The following ERICH1 variants were observed in gnomAD, a reference collection of about 807,000 sequenced individuals.
ERICH1 encodes glutamate rich 1.
A neutral mutation model predicts 39.6 loss-of-function variants in ERICH1; 56 were observed. The ratio of observed to expected loss-of-function variants is 1.41; its 90% CI spans 1.14 to 1.77. ERICH1 has a LOEUF of 1.77. Among genes scored for constraint, ERICH1 ranks in the 40% most tolerant of loss-of-function variants. The pLI, the probability that ERICH1 is intolerant of heterozygous loss-of-function variation, is 0.00. For missense variants in ERICH1, 826 were observed against 575.4 expected (o/e 1.44, Z -4.45); for synonymous variants, 313 against 223.6 (o/e 1.40, Z -3.57).
At chr8:626,149 A>G (rs540677790) in intron 3 of ERICH1, 1 of 152,306 alleles carries the variant, frequency 6.6e-6, no homozygotes, top group African/African-American at 2.4e-5. Context: ...AGGAAGCTGC[A>G]TATTTCGTGG....
At chr8:672,268 C>T (rs1465324332) in intron 4 of ERICH1, 2 of 152,252 alleles carry the variant, frequency 1.3e-5, no homozygotes, top group African/African-American at 4.8e-5. Context: ...GTCTACTTTG[C>T]AGTGTCTTAG....
At chr8:688,595 C>T (rs968167564) in intron 3 of ERICH1, among the ~76,000 whole-genome samples, 2 of 152,116 alleles carry the variant, frequency 1.3e-5, no homozygotes, top group Admixed American at 1.3e-4. Flanking sequence ...ACTTGGTAAA[C>T]CCTGATTACT....
intron 3 of ERICH1, among the ~76,000 whole-genome samples, chr8:628,089 G>A (rs545279663): frequency 6.6e-6 from 1 of 152,256 alleles, no homozygotes; most frequent in Non-Finnish European, 1.5e-5. Flanking sequence ...CCCTGCCCGA[G>A]ACCACAGAGG....
chr8:664,147 C>T (rs1483554051), downstream of ERICH1: 3 of 708,426 alleles, frequency 4.2e-6, no homozygotes, highest in African/African-American at 5.8e-5. Flanking sequence ...AAACAGGTAC[C>T]TGATATGATT....
intron 3 of ERICH1, among the ~76,000 whole-genome samples, chr8:630,881 GACCACCCAC>G (rs1797978899): frequency 7.9e-6 from 1 of 126,434 alleles, no homozygotes. Flanking sequence ...ACCCTCCTGT[GACCACCCAC>G]AGACAGAGCT....
In ERICH1 at chr8:673,759, T is replaced by G; in HGVS notation, c.593A>C (p.Glu198Ala). The G allele has an allele frequency of 1.2e-6, 2 of 1,614,002 alleles. No homozygotes were observed. The change falls in exon 4 of 6, where the codon GAA (glutamate) becomes GCA (alanine). Residue 198 changes from glutamate to alanine, a missense_variant. Coordinates refer to ENST00000262109, the MANE Select transcript of ERICH1 (RefSeq NM_207332.3). ...FMYQPEDSSN[E>A]GEGVGEACEE... ...ACAAGCCTCTCCCACGCCTTCCCCT[T>G]CATTGCTGCTGTCCTCGGGCTGGTA...
intron 2 of ERICH1, among the ~76,000 whole-genome samples, chr8:699,698 G>A (rs1373359569): frequency 6.8e-6 from 1 of 146,332 alleles, no homozygotes; most frequent in Non-Finnish European, 1.5e-5. Flanking sequence ...GACTCACACA[G>A]GCGCACAGAC....
intron 1 of ERICH1, among the ~76,000 whole-genome samples, chr8:718,681 C>G (rs371326234): frequency 1.3e-5 from 2 of 152,338 alleles, no homozygotes; most frequent in East Asian, 3.9e-4. Flanking sequence ...TTCTGTAACA[C>G]AGGCATTTCT....
At chr8:650,478 C>A (rs541370072) in intron 3 of ERICH1, among the ~76,000 whole-genome samples, 2 of 152,330 alleles carry the variant, frequency 1.3e-5, no homozygotes, top group African/African-American at 4.8e-5. Flanking sequence ...AGGGCACTGT[C>A]ACATCCTAAC....
intron 3 of ERICH1, chr8:616,728 A>C: frequency 2.6e-6 from 1 of 379,910 alleles, no homozygotes; most frequent in Non-Finnish European, 5.2e-6. Flanking sequence ...ACTCAGAGAG[A>C]TAGGGAAGCG....
rs142828358 is a variant in ERICH1, at chr8:658,304, C to T, written c.976+10294G>A. ...AGGCTGGTTCCCTGCAGGAAGAAGA[C>T]TGCCAGCCTGGCCTCCACTGGGCCT... On this transcript the variant is annotated intron_variant, in intron 3 of 3. Transcript: ENST00000522706. Among the ~76,000 whole-genome samples the T allele has an allele frequency of 3.4e-3, 512 of 152,266 alleles. 9 individuals are homozygous for T. Among genetic ancestry groups the T allele is most frequent in the Admixed American group, 0.026 (395 of 15,306 alleles).
chr8:718,500 T>A (rs1274812600), intron 1 of ERICH1, among the ~76,000 whole-genome samples: 1 of 152,212 alleles, frequency 6.6e-6, no homozygotes, highest in African/African-American at 2.4e-5. Flanking sequence ...AATGAAAATA[T>A]CTGATATAGG....
At chr8:632,036 T>G (rs528228386) in intron 3 of ERICH1, among the ~76,000 whole-genome samples, 3 of 152,322 alleles carry the variant, frequency 2.0e-5, no homozygotes, top group South Asian at 4.1e-4. Context: ...CGGAATAGAC[T>G]CGAGCTGCGT....
At chr8:686,859 T>C (rs1295418567) in intron 3 of ERICH1, 1 of 152,190 alleles carries the variant, frequency 6.6e-6, no homozygotes, top group Non-Finnish European at 1.5e-5. Context: ...AACTCTCATA[T>C]CAATAAATCA....
At chr8:729,475 C>G (rs1819519098) in intron 1 of ERICH1, among the ~76,000 whole-genome samples, 1 of 152,244 alleles carries the variant, frequency 6.6e-6, no homozygotes, top group African/African-American at 2.4e-5. Context: ...CTCCAGTTTC[C>G]TGCTCCATCA....
exon 4 of ERICH1, chr8:615,136 C>A: frequency 1.6e-6 from 1 of 613,866 alleles, no homozygotes; most frequent in South Asian, 2.0e-5. Flanking sequence ...GGCTCCCGGT[C>A]CACTGCTTAA....
chr8:666,054 T>G (rs1387919800), intron 5 of ERICH1: 1 of 152,234 alleles, frequency 6.6e-6, no homozygotes, highest in Non-Finnish European at 1.5e-5. Flanking sequence ...TAAGCACATA[T>G]CCTACAGAAC....
chr8:700,779 T>G (rs1811933535), intron 2 of ERICH1, among the ~76,000 whole-genome samples: 1 of 152,266 alleles, frequency 6.6e-6, no homozygotes, highest in Non-Finnish European at 1.5e-5. Context: ...TTTCACAGAC[T>G]CTTAATCAGC....
chr8:641,333 G>A (rs1280358044), intron 3 of ERICH1: 1 of 152,170 alleles, frequency 6.6e-6, no homozygotes, highest in Non-Finnish European at 1.5e-5. Flanking sequence ...AGCCATTTAG[G>A]AGGCCACTTA....
Sources: gnomAD v4.1 joint callset for allele counts (sites outside exome capture counted in the v4.1 genomes callset) on GRCh38, gnomAD v4.1.1 for gene constraint, MANE v1.5 for transcripts, NCBI Gene and HGNC (gene_info 2026-07-23, HGNC 2026-07-21) for gene names.